Variants in RGS12 observed in about 807,000 individuals in gnomAD.
RGS12 encodes the protein regulator of G protein signaling 12.
In RGS12, 66 loss-of-function variants were observed where a neutral mutation model predicts 120.1. That is an observed-to-expected ratio of 0.55 (90% confidence interval 0.45 to 0.67). The LOEUF (loss-of-function observed/expected upper bound fraction) is 0.67. Among genes scored for constraint, RGS12 ranks in the 30% least tolerant of loss-of-function variants. The pLI, the probability that RGS12 is intolerant of heterozygous loss-of-function variation, is 0.00. For missense variants in RGS12, 1,859 were observed against 1,957.7 expected (o/e 0.95, Z 0.95); for synonymous variants, 827 against 804.7 (o/e 1.03, Z -0.47).
intron 14 of RGS12, 88 bp downstream of exon 14, chr4:3,425,648 TGAGTGGGG>T: frequency 4.0e-6 from 1 of 250,058 alleles, no homozygotes; most frequent in Non-Finnish European, 5.7e-6. Flanking sequence ...GGGGAGGGGG[TGAGTGGGG>T]CCAGTGCAGG....
intron 14 of RGS12, chr4:3,426,853 T>C (rs1180102507): frequency 6.6e-6 from 1 of 152,118 alleles, no homozygotes; most frequent in Non-Finnish European, 1.5e-5. Context: ...GGAAAGAGCT[T>C]TCTGGAAACC....
rs1320267758 is a variant in RGS12, at chr4:3,362,466, GTGTGAGGGTGTGTGTA to G, written c.1998+19429_1998+19444del. Among the ~76,000 whole-genome samples the G allele has an allele frequency of 5.0e-4, 68 of 137,120 alleles. 1 individual carries two copies. The highest frequency in any genetic ancestry group is 9.4e-4 in the African/African-American group (36 of 38,134). 90.0% of individuals were successfully genotyped at this position (137,120 alleles called of 152,430 possible). On this transcript the variant is annotated intron_variant, in intron 3 of 17. Coordinates refer to ENST00000336727, the MANE Select transcript of RGS12 (RefSeq NM_001394154.1). ...TGTGTGTGTGAGGGTGCGAGGGTGTGTGTGAGGGTGTGTGTATGTGAGGGTGTGTGTGAGGGTGCGA... is the reference window on the plus strand; with the variant it reads ...TGTGTGTGTGAGGGTGCGAGGGTGTGTGTGAGGGTGTGTGTGAGGGTGCGA...
At chr4:3,431,943 C>A (rs1011271703) in intron 17 of RGS12, 4 of 985,366 alleles carry the variant, frequency 4.1e-6, no homozygotes, top group African/African-American at 1.7e-5. Flanking sequence ...CTGTACATAT[C>A]TGGGCCTTTG....
chr4:3,332,179 G>A (rs1366506643), intron 2 of RGS12, among the ~76,000 whole-genome samples: 1 of 152,220 alleles, frequency 6.6e-6, no homozygotes, highest in East Asian at 1.9e-4. Context: ...CGTGTTCTAT[G>A]GGGTTTCCAG....
chr4:3,342,661 C>G, intron 2 of RGS12: 1 of 1,115,766 alleles, frequency 9.0e-7, no homozygotes, highest in Non-Finnish European at 1.2e-6. Flanking sequence ...TGCCGTCATC[C>G]TGTTCTGTGT....
intron 1 of RGS12, among the ~76,000 whole-genome samples, chr4:3,306,993 G>C (rs536013145): frequency 1.3e-5 from 2 of 152,288 alleles, no homozygotes; most frequent in Non-Finnish European, 2.9e-5. Context: ...GTGGGTTTTC[G>C]TCAGTTTCCG....
chr4:3,334,080 C>T (rs1459321767), intron 2 of RGS12, among the ~76,000 whole-genome samples: 1 of 152,114 alleles, frequency 6.6e-6, no homozygotes, highest in African/African-American at 2.4e-5. Flanking sequence ...GTAAATGCTT[C>T]AACCTGAGGA....
intron 3 of RGS12, among the ~76,000 whole-genome samples, chr4:3,353,742 G>C (rs897650994): frequency 6.6e-6 from 1 of 152,162 alleles, no homozygotes; most frequent in African/African-American, 2.4e-5. Context: ...ATGACCATGG[G>C]TGGATCTGTG....
At chr4:3,363,221 CTCT>C (rs766701278) in intron 3 of RGS12, among the ~76,000 whole-genome samples, 3 of 152,088 alleles carry the variant, frequency 2.0e-5, no homozygotes, top group African/African-American at 4.8e-5. Flanking sequence ...AGTTCTGTCC[CTCT>C]TCTTACCCCA....
intron 2 of RGS12, among the ~76,000 whole-genome samples, chr4:3,328,411 T>A (rs1725704176): frequency 6.6e-6 from 1 of 152,202 alleles, no homozygotes. Context: ...TTTCATCGTA[T>A]CTAAGAAAAC....
rs767280586 is a variant in RGS12 at position 3,428,136 on chromosome 4, T to C, written c.3378T>C (p.Ala1126=). ...QKGVPVKQNT[A]VNSSSRNHSA... ...GTGTGCCAGTGAAACAGAACACAGC[T>C]GTAAATTCCAGCTCCAGAAACCACT... The change falls in exon 15 of 18, where the codon GCT becomes GCC. Residue 1126 remains alanine, a synonymous_variant. Coordinates refer to ENST00000336727, the MANE Select transcript of RGS12 (RefSeq NM_001394154.1). 2 of 1,613,694 alleles carry C rather than the reference T, an allele frequency of 1.2e-6. No individual in the cohort carries two copies. The highest frequency in any genetic ancestry group is 3.3e-5 in the Admixed American group (2 of 60,018).
rs949784253 is a variant in RGS12, at chr4:3,430,964, A to G, written c.4114+9A>G. On this transcript the variant is annotated intron_variant, in intron 17 of 17. Coordinates refer to ENST00000336727, the MANE Select transcript of RGS12 (RefSeq NM_001394154.1). Reference sequence around the variant, plus strand: ...AGGACCTTCCAGACCAGGTACCTCCAGGTTCTGATCCCTCCACCTTGGCCC... The same window carrying G: ...AGGACCTTCCAGACCAGGTACCTCCGGGTTCTGATCCCTCCACCTTGGCCC... 7 of 1,611,600 alleles carry G rather than the reference A, an allele frequency of 4.3e-6. No homozygotes were observed. In the Middle Eastern group the frequency reaches 5.0e-4, roughly 114 times the overall value.
At chr4:3,348,892 T>C (rs1285177881) in intron 3 of RGS12, among the ~76,000 whole-genome samples, 1 of 152,166 alleles carries the variant, frequency 6.6e-6, no homozygotes, top group African/African-American at 2.4e-5. Flanking sequence ...CAGATTCACC[T>C]GGAGAGGAAG....
rs544153562 is a variant in RGS12 at position 3,422,132 on chromosome 4, G to T, written c.2839-244G>T. ...CCCAGATGTGCCTTCTGAGCACGATGGCCCTTGAGGCCCAGAGCTGAGAGA... is the reference window on the plus strand; with the variant it reads ...CCCAGATGTGCCTTCTGAGCACGATTGCCCTTGAGGCCCAGAGCTGAGAGA... On this transcript the variant is annotated intron_variant, in intron 10 of 17. Transcript: ENST00000336727. 9.8e-5 allele frequency among the ~76,000 whole-genome samples: 15 copies of T among 152,322 alleles called. No homozygotes were observed. In the South Asian group the frequency reaches 1.7e-3, roughly 17 times the overall value.
intron 2 of RGS12, among the ~76,000 whole-genome samples, chr4:3,320,200 A>C (rs1725083491): frequency 6.6e-6 from 1 of 152,238 alleles, no homozygotes; most frequent in African/African-American, 2.4e-5. Context: ...AGTGGTGCTT[A>C]TGGTCCTCAG....
At position 3,311,002 on chromosome 4, in the gene RGS12, G is replaced by A. The variant is rs887960951; in HGVS notation, c.-101-5068G>A. On this transcript the variant is annotated intron_variant, in intron 1 of 17. Transcript: ENST00000336727. ...ATCTGCACGCGAGAATTGTAACAGA[G>A]CCTTCCTCAGAGCGATGATGGTGTT... 2.0e-5 allele frequency among the ~76,000 whole-genome samples: 3 copies of A among 152,234 alleles called. No homozygotes were observed. In the East Asian group the frequency reaches 5.8e-4, roughly 29 times the overall value.
intron 1 of RGS12, among the ~76,000 whole-genome samples, chr4:3,296,388 C>T (rs1723383369): frequency 6.6e-6 from 1 of 151,814 alleles, no homozygotes; most frequent in African/African-American, 2.4e-5. Flanking sequence ...TGGGGTCTCA[C>T]TATGTTGCCC....
chr4:3,342,527 A>G, intron 2 of RGS12: 1 of 1,292,494 alleles, frequency 7.7e-7, no homozygotes, highest in Non-Finnish European at 1.0e-6. Context: ...ACTTTGCTGA[A>G]AACCTGCCTT....
At chr4:3,322,866 G>A (rs1004653476) in intron 2 of RGS12, among the ~76,000 whole-genome samples, 6 of 152,184 alleles carry the variant, frequency 3.9e-5, no homozygotes, top group African/African-American at 1.4e-4. Context: ...TGAGACCACA[G>A]CACTTGAGGA....
Sources: allele counts gnomAD v4.1 joint callset (sites outside exome capture counted in the v4.1 genomes callset), GRCh38; gene constraint gnomAD v4.1.1; transcripts MANE v1.5; gene names NCBI Gene and HGNC (gene_info 2026-07-23, HGNC 2026-07-21).